The following STK17B variants were observed in gnomAD, a reference collection of about 807,000 sequenced individuals.
The protein encoded by STK17B is serine/threonine-protein kinase 17B.
In STK17B, 21 loss-of-function variants were observed where a neutral mutation model predicts 42.0. That is an observed-to-expected ratio of 0.50 (90% CI 0.35 to 0.72). The LOEUF (loss-of-function observed/expected upper bound fraction) is 0.72, where lower values mean the gene tolerates loss of function less well. Among genes scored for constraint, STK17B ranks in the 30% least tolerant of loss-of-function variants. The probability of loss-of-function intolerance (pLI) is 0.00; values close to 1 mark genes in which losing one functional copy is unlikely to be tolerated. For synonymous variants in STK17B, 143 were observed against 148.4 expected (o/e 0.96, Z 0.26); for missense variants, 349 against 446.0 (o/e 0.78, Z 1.96).
At chr2:196,148,525 T>C (rs1575176414) in intron 3 of STK17B, among the ~76,000 whole-genome samples, 1 of 152,346 alleles carries the variant, frequency 6.6e-6, no homozygotes, top group East Asian at 1.9e-4. Flanking sequence ...AGAATATATT[T>C]TTTGTTAGGT....
At chr2:196,139,933 G>C in intron 6 of STK17B, 134 bp from the exon 7 acceptor site, 1 of 557,660 alleles carries the variant, frequency 1.8e-6, no homozygotes, top group Non-Finnish European at 2.7e-6. Flanking sequence ...GCTTTTCAAA[G>C]TTCCTATATT....
chr2:196,170,078 C>A (rs1699920679), intron 1 of STK17B, among the ~76,000 whole-genome samples: 1 of 152,086 alleles, frequency 6.6e-6, no homozygotes, highest in Non-Finnish European at 1.5e-5. Context: ...ATACACAATC[C>A]TAGGGGTACA....
intron 3 of STK17B, among the ~76,000 whole-genome samples, chr2:196,151,683 C>A (rs1281531493): frequency 6.6e-6 from 1 of 152,082 alleles, no homozygotes; most frequent in Non-Finnish European, 1.5e-5. Context: ...TACAAATATG[C>A]TTTAAAGACA....
rs952404901 is a variant in STK17B, at chr2:196,136,086, A to C, written c.*1361T>G. Reference sequence around the variant, plus strand: ...CAAAATTTTGAGAAGTTAAAGGTCTAAAGGGGGAACATCAGGTTGTTGTTA... The same window carrying C: ...CAAAATTTTGAGAAGTTAAAGGTCTCAAGGGGGAACATCAGGTTGTTGTTA... On this transcript the variant is annotated 3_prime_UTR_variant, in exon 8 of 8. Coordinates refer to ENST00000263955, the MANE Select transcript of STK17B (RefSeq NM_004226.4). The C allele has an allele frequency of 2.0e-5, 3 of 152,236 alleles. No individual in the cohort carries two copies. The highest frequency in any genetic ancestry group is 2.9e-5 in the Non-Finnish European group (2 of 68,046). 9.4% of individuals were successfully genotyped at this position (152,236 alleles called of 1,614,324 possible). A position where few individuals can be genotyped will look rare whatever the true frequency, so the allele number is the denominator to read the frequency against.
intron 2 of STK17B, among the ~76,000 whole-genome samples, chr2:196,162,887 C>A (rs115343749): frequency 2.6e-5 from 4 of 151,986 alleles, no homozygotes; most frequent in Non-Finnish European, 5.9e-5. Flanking sequence ...GAGACCCCGC[C>A]ACAAACAAAA....
chr2:196,173,920 A>C (rs757477067), upstream of STK17B, among the ~76,000 whole-genome samples: 5 of 152,188 alleles, frequency 3.3e-5, no homozygotes, highest in African/African-American at 1.2e-4. Context: ...AAAATGAGAT[A>C]ATATGAGTGG....
intron 1 of STK17B, 93 bp from the exon 2 acceptor site, chr2:196,163,520 CT>C: frequency 1.1e-6 from 1 of 912,526 alleles, no homozygotes; most frequent in Non-Finnish European, 1.5e-6. Flanking sequence ...TAAAATACAA[CT>C]AAAAAAAAAA....
chr2:196,163,294 A>G lies in STK17B; in HGVS notation c.90T>C (p.Asn30=), dbSNP rs1699836238. 1 of 1,608,202 alleles carries G rather than the reference A, an allele frequency of 6.2e-7. No homozygotes were observed. Among genetic ancestry groups the G allele is most frequent in the South Asian group, 1.1e-5 (1 of 90,112 alleles). The change falls in exon 2 of 8, where the codon AAT becomes AAC. Residue 30 remains asparagine, a synonymous_variant. Transcript: ENST00000263955. The stretch of plus-strand genomic sequence containing the variant: ...GCTCTTTAGATGTAAGTATATAGAA[A>G]TTATTAAAGTTTTCCATTTTTATTG... ...QIPIKMENFN[N]FYILTSKELG...
chr2:196,158,602 A>G (rs1337460569), intron 2 of STK17B, among the ~76,000 whole-genome samples: 2 of 152,242 alleles, frequency 1.3e-5, no homozygotes, highest in Admixed American at 6.5e-5. Context: ...AGTCAGAATA[A>G]GATTAAATAC....
At chr2:196,148,787 C>G (rs187799412) in intron 3 of STK17B, among the ~76,000 whole-genome samples, 2 of 152,202 alleles carry the variant, frequency 1.3e-5, no homozygotes, top group East Asian at 3.9e-4. Flanking sequence ...CTTCAATAAC[C>G]AGAACACTCC....
At position 196,137,556 on chromosome 2, in the gene STK17B, C is replaced by G. The variant is rs1454350777; in HGVS notation, c.1010G>C (p.Arg337Thr). The G allele has an allele frequency of 6.2e-7, 1 of 1,614,110 alleles. No homozygotes were observed. Among genetic ancestry groups the G allele is most frequent in the Non-Finnish European group, 8.5e-7 (1 of 1,180,002 alleles). Residue 337 changes from arginine to threonine, a missense_variant, in exon 8 of 8, where the codon AGA (arginine) becomes ACA (threonine). By Grantham distance (71) the Arg-to-Thr change is moderately conservative (BLOSUM62 -1). Coordinates refer to ENST00000263955, the MANE Select transcript of STK17B (RefSeq NM_004226.4). ...KSSCNGTCGD[R>T]EDKENIPEDS... ...CTCTGGGATATTCTCTTTGTCTTCT[C>G]TATCACCACAGGTTCCATTACAGGA...
intron 3 of STK17B, among the ~76,000 whole-genome samples, chr2:196,152,163 G>A (rs1289295253): frequency 6.7e-6 from 1 of 150,242 alleles, no homozygotes; most frequent in Non-Finnish European, 1.5e-5. Context: ...CTGGCGCGTA[G>A]TGGTGCGATC....
At chr2:196,147,509 A>C (rs1699593539) in intron 3 of STK17B, among the ~76,000 whole-genome samples, 1 of 152,168 alleles carries the variant, frequency 6.6e-6, no homozygotes, top group African/African-American at 2.4e-5. Flanking sequence ...TGAAAGTCAC[A>C]AGGACTGACA....
At chr2:196,176,152 C>A (rs952377319), upstream of STK17B, 4 of 152,138 alleles carry the variant, frequency 2.6e-5, no homozygotes, top group Non-Finnish European at 4.4e-5. Context: ...TAAGAGCACA[C>A]CCTACAATAT....
chr2:196,155,040 G>A (rs756465608), intron 3 of STK17B, among the ~76,000 whole-genome samples: 4 of 152,136 alleles, frequency 2.6e-5, no homozygotes, highest in Non-Finnish European at 4.4e-5. Context: ...GTATTTTGTC[G>A]TTGCTGTTTG....
At chr2:196,153,756 G>C (rs2105698608) in intron 3 of STK17B, 1 of 152,062 alleles carries the variant, frequency 6.6e-6, no homozygotes, top group South Asian at 2.1e-4. Flanking sequence ...GCTTGAAAGG[G>C]AACCACTGAT....
chr2:196,171,802 G>C (rs1699950262), upstream of STK17B, among the ~76,000 whole-genome samples: 1 of 149,522 alleles, frequency 6.7e-6, no homozygotes, highest in Admixed American at 6.6e-5. Context: ...GGCGCAGGTG[G>C]GGCGCACTCG....
chr2:196,137,716 C>T lies in STK17B; in HGVS notation c.850G>A (p.Ala284Thr). Residue 284 changes from alanine (A) to threonine (T), a missense_variant, in exon 8 of 8, where the codon GCA (alanine) becomes ACA (threonine). By Grantham distance (58) the Ala-to-Thr change is moderately conservative (BLOSUM62 0). Around this residue, in one of 3 missense-constraint regions of STK17B, gnomAD observed 256 missense variants for 347.7 expected, o/e 0.74. Transcript: ENST00000263955. ...LVKNPEKRPTAEICLSHSWLQ... is the reference protein window; with the variant it reads ...LVKNPEKRPTTEICLSHSWLQ... ...CAAGAATGAGAAAGGCATATCTCTG[C>T]TGTTGGTCTTTTCCTTTGAAAGAAA... The T allele has an allele frequency of 6.2e-7, 1 of 1,607,616 alleles. No individual in the cohort carries two copies. The highest frequency in any genetic ancestry group is 8.5e-7 in the Non-Finnish European group (1 of 1,176,634).
intron 3 of STK17B, among the ~76,000 whole-genome samples, chr2:196,150,099 GAAA>G (rs1699642816): frequency 6.9e-6 from 1 of 144,472 alleles, no homozygotes; most frequent in South Asian, 2.2e-4. Context: ...GCAGAAATTG[GAAA>G]AAGAAACAGA....
Sources: allele counts gnomAD v4.1 joint callset (sites outside exome capture counted in the v4.1 genomes callset), GRCh38; gene constraint gnomAD v4.1.1; regional missense constraint gnomAD v4.1.1; transcripts MANE v1.5; gene names NCBI Gene and HGNC (gene_info 2026-07-23, HGNC 2026-07-21).